Variants in NBAS observed in about 807,000 individuals in gnomAD.
NBAS encodes the protein NBAS subunit of NRZ tethering complex.
NBAS carries 219 observed loss-of-function variants against 302.5 expected under a neutral mutation model. That is an observed-to-expected ratio of 0.72 (90% CI 0.65 to 0.81). The LOEUF is 0.81. NBAS is among the 30% of genes least tolerant of loss of function. The pLI, the probability that NBAS is intolerant of heterozygous loss-of-function variation, is 0.00. For synonymous variants in NBAS, 1,118 were observed against 1,021.6 expected, an observed-to-expected ratio of 1.09 and a Z score of -1.80; for missense variants, 2,932 against 2,841.6, an observed-to-expected ratio of 1.03 and a Z score of -0.72.
At chr2:15,076,248 A>G in the NBAS span, among the ~76,000 whole-genome samples, 1 of 152,218 alleles carries the variant, frequency 6.6e-6, no homozygotes, top group Non-Finnish European at 1.5e-5. Context: ...GAAGTTTGGC[A>G]TTGAAAACCC....
rs371059020 is a variant in NBAS at position 15,561,320 on chromosome 2, A to T, written c.-16T>A. The stretch of plus-strand genomic sequence containing the variant: ...GGGCCGCCATGTTCGCCGAGGACTC[A>T]GGCAGCGGAGGAGTGTCTCTACGGA... On this transcript the variant is annotated 5_prime_UTR_variant, in exon 1 of 52. Coordinates refer to ENST00000281513, the MANE Select transcript of NBAS (RefSeq NM_015909.4). 1.2e-5 allele frequency: 19 copies of T among 1,606,864 alleles called. No homozygotes were observed. In the African/African-American group the frequency reaches 2.4e-4, roughly 20 times the overall value.
the NBAS span, among the ~76,000 whole-genome samples, chr2:15,050,784 C>G: frequency 6.6e-6 from 1 of 152,278 alleles, no homozygotes; most frequent in African/African-American, 2.4e-5. Flanking sequence ...CTAATCTGCA[C>G]GCTTGAGCAA....
chr2:15,320,303 C>G (rs1299147285), intron 38 of NBAS, among the ~76,000 whole-genome samples: 1 of 152,224 alleles, frequency 6.6e-6, no homozygotes, highest in Middle Eastern at 3.4e-3. Flanking sequence ...ACTGAATGGG[C>G]AAAAACTGGA....
chr2:15,023,190 C>A, the NBAS span, among the ~76,000 whole-genome samples: 1 of 152,112 alleles, frequency 6.6e-6, no homozygotes, highest in Non-Finnish European at 1.5e-5. Flanking sequence ...TTGCATCATG[C>A]TTTTCTCATT....
chr2:15,426,818 G>A (rs1340871881), intron 22 of NBAS, among the ~76,000 whole-genome samples: 1 of 152,094 alleles, frequency 6.6e-6, no homozygotes, highest in African/African-American at 2.4e-5. Context: ...GCTCTGCAGG[G>A]GTGGCAGAAC....
rs578022123 is a variant in NBAS at position 15,280,602 on chromosome 2, G to T, written c.5139-3501C>A. 8.5e-5 allele frequency among the ~76,000 whole-genome samples: 13 copies of T among 152,324 alleles called. No individual in the cohort carries two copies. The South Asian group carries it at 2.5e-3, about 29-fold the overall frequency. ...AAGAGATGGAGACTGATTCTGAGTT[G>T]AGTCTTTCAAGTTCGGCTTTCTGCT... is the stretch of plus-strand genomic sequence containing the variant. On this transcript the variant is annotated intron_variant, in intron 42 of 51. Transcript: ENST00000281513.
chr2:15,214,518 CTTTT>C (rs1666566883), intron 48 of NBAS, among the ~76,000 whole-genome samples: 1 of 152,150 alleles, frequency 6.6e-6, no homozygotes, highest in Admixed American at 6.5e-5. Context: ...ACTGGGGATG[CTTTT>C]GAAAGTCTCT....
intron 42 of NBAS, among the ~76,000 whole-genome samples, chr2:15,285,142 C>T (rs1342231589): frequency 1.3e-5 from 2 of 152,090 alleles, no homozygotes; most frequent in Non-Finnish European, 2.9e-5. Context: ...TCAAAAATGA[C>T]GTCCATGCAA....
Position 15,419,114 on chromosome 2 carries a change from C to T in NBAS, c.2578-1402G>A, listed in dbSNP as rs549811443. On this transcript the variant is annotated intron_variant, in intron 23 of 51. Transcript: ENST00000281513. ...ATTAGTTCACACACTTATTCACAGA[C>T]AGTAAATACTTGTTGCATATTTCTA... Among the ~76,000 whole-genome samples, 10 of 152,272 alleles carry T rather than the reference C, an allele frequency of 6.6e-5. No individual in the cohort carries two copies. The South Asian group carries it at 2.1e-3, about 32-fold the overall frequency.
chr2:15,057,881 C>T, the NBAS span, among the ~76,000 whole-genome samples: 1 of 152,272 alleles, frequency 6.6e-6, no homozygotes, highest in Non-Finnish European at 1.5e-5. Context: ...CTGCTATAAA[C>T]ATGCGTGCGA....
At chr2:15,468,768 G>A (rs573674631) in intron 16 of NBAS, among the ~76,000 whole-genome samples, 11 of 152,304 alleles carry the variant, frequency 7.2e-5, no homozygotes, top group South Asian at 6.2e-4. Flanking sequence ...AATGAGCTAC[G>A]CAGAAACAGA....
At chr2:15,018,189 T>G in the NBAS span, among the ~76,000 whole-genome samples, 36 of 151,894 alleles carry the variant, frequency 2.4e-4, no homozygotes, top group African/African-American at 8.2e-4. Context: ...AATACAAAAT[T>G]ACAGCTAGGA....
In NBAS at chr2:15,405,450, T is replaced by C. The variant is rs558732027; in HGVS notation, c.2938-3149A>G. Among the ~76,000 whole-genome samples the C allele has an allele frequency of 5.3e-5, 8 of 152,300 alleles. No individual in the cohort carries two copies. The South Asian group carries it at 1.7e-3, about 32-fold the overall frequency. ...TAGTCTAAGACACACTTTTTTTTCA[T>C]TATTCCTTCCCTATTATCTCAGTTG... is the stretch of plus-strand genomic sequence containing the variant. On this transcript the variant is annotated intron_variant, in intron 25 of 51. Transcript: ENST00000281513.
At chr2:15,143,921 G>C in the NBAS span, among the ~76,000 whole-genome samples, 2 of 151,204 alleles carry the variant, frequency 1.3e-5, no homozygotes, top group African/African-American at 4.9e-5. Context: ...TCAAACATCA[G>C]ACTTCAAGTT....
chr2:15,049,008 T>C, the NBAS span, among the ~76,000 whole-genome samples: 4 of 152,168 alleles, frequency 2.6e-5, no homozygotes, highest in South Asian at 2.1e-4. Flanking sequence ...AGCACCTACA[T>C]TGAATCTCCA....
chr2:14,847,012 G>C, the NBAS span, among the ~76,000 whole-genome samples: 1 of 152,180 alleles, frequency 6.6e-6, no homozygotes, highest in South Asian at 2.1e-4. Context: ...CCAATCAAAA[G>C]AAATAGACTG....
chr2:15,533,779 T>A (rs1258257541), intron 9 of NBAS, among the ~76,000 whole-genome samples: 1 of 151,626 alleles, frequency 6.6e-6, no homozygotes, highest in Non-Finnish European at 1.5e-5. Flanking sequence ...AACACAGACA[T>A]ATGACTGAAT....
At chr2:15,383,464 T>C (rs1361224743) in intron 28 of NBAS, 147 bp from the exon 29 acceptor site, 1 of 694,462 alleles carries the variant, frequency 1.4e-6, no homozygotes, top group Admixed American at 2.4e-5. Flanking sequence ...AGAATATATC[T>C]CCTTTAAATA....
intron 9 of NBAS, among the ~76,000 whole-genome samples, chr2:15,514,138 A>G (rs1662276270): frequency 6.6e-6 from 1 of 152,218 alleles, no homozygotes; most frequent in South Asian, 2.1e-4. Context: ...CAGATAAAAT[A>G]ATATGCTGTC....
Sources: allele counts gnomAD v4.1 joint callset (sites outside exome capture counted in the v4.1 genomes callset), GRCh38; gene constraint gnomAD v4.1.1; transcripts MANE v1.5; gene names NCBI Gene and HGNC (gene_info 2026-07-23, HGNC 2026-07-21).